The following ASTN2 variants were observed in gnomAD, a reference collection of about 807,000 sequenced individuals.
The protein encoded by ASTN2 is astrotactin-2.
A neutral mutation model predicts 139.8 loss-of-function variants in ASTN2; 54 were observed. The observed-to-expected ratio is 0.39, with a 90% CI of 0.31 to 0.48. The LOEUF (loss-of-function observed/expected upper bound fraction) is 0.48, where lower values mean the gene tolerates loss of function less well. Ranked by LOEUF, ASTN2 falls within the 20% of genes least tolerant of loss-of-function variation. The probability of loss-of-function intolerance (pLI) is 0.95; values close to 1 mark genes in which losing one functional copy is unlikely to be tolerated. For synonymous variants in ASTN2, 756 were observed against 719.5 expected (o/e 1.05, Z -0.81); for missense variants, 1,565 against 1,725.1 (o/e 0.91, Z 1.64).
Position 117,398,393 on chromosome 9 carries a change from A to G in ASTN2, c.442+16104T>C, listed in dbSNP as rs367807181. On this transcript the variant is annotated intron_variant, in intron 1 of 22. Transcript: ENST00000313400. ...AAATGTTTTTTAAATGTCTAAATGC[A>G]TGTTTTGTTCAGATGAAATTGAAGC... 7.4e-4 allele frequency among the ~76,000 whole-genome samples: 113 copies of G among 152,340 alleles called. 1 individual carries two copies. In the South Asian group the frequency reaches 0.022, roughly 30 times the overall value.
chr9:117,318,105 C>A (rs536813933), intron 1 of ASTN2, among the ~76,000 whole-genome samples: 6 of 152,318 alleles, frequency 3.9e-5, no homozygotes, highest in African/African-American at 1.4e-4. Flanking sequence ...GCATCATATT[C>A]ATGAGTGAAG....
chr9:117,402,871 G>A (rs1290941964), intron 1 of ASTN2, among the ~76,000 whole-genome samples: 1 of 152,164 alleles, frequency 6.6e-6, no homozygotes. Context: ...GCTCCTTAGA[G>A]ATGACACCCC....
chr9:116,931,080 T>C (rs1457738708), intron 10 of ASTN2, among the ~76,000 whole-genome samples: 1 of 152,114 alleles, frequency 6.6e-6, no homozygotes, highest in African/African-American at 2.4e-5. Flanking sequence ...CTCTCCAACA[T>C]GCCACGTACA....
intron 20 of ASTN2, among the ~76,000 whole-genome samples, chr9:116,466,560 C>T (rs1049191435): frequency 2.0e-5 from 3 of 152,138 alleles, no homozygotes; most frequent in African/African-American, 7.2e-5. Flanking sequence ...GGTTTTCTAC[C>T]TTCCCACACC....
intron 2 of ASTN2, among the ~76,000 whole-genome samples, chr9:117,244,086 C>T (rs1833294589): frequency 6.6e-6 from 1 of 152,182 alleles, no homozygotes; most frequent in Middle Eastern, 3.4e-3. Context: ...TCTGACAGTT[C>T]CTCCTTCACA....
At chr9:116,615,763 ATACC>A (rs543183672) in intron 19 of ASTN2, among the ~76,000 whole-genome samples, 386 of 151,990 alleles carry the variant, frequency 2.5e-3, no homozygotes, top group African/African-American at 9.1e-3. Context: ...ATTAGGAGAT[ATACC>A]TAATGTAAAT....
intron 1 of ASTN2, among the ~76,000 whole-genome samples, chr9:117,379,509 C>T (rs751802120): frequency 2.4e-4 from 36 of 152,176 alleles, no homozygotes; most frequent in Non-Finnish European, 4.6e-4. Context: ...CTTAATCCTT[C>T]CAGTTAAGCC....
At chr9:116,686,870 T>C (rs1196274631) in intron 16 of ASTN2, 1 of 1,536,364 alleles carries the variant, frequency 6.5e-7, no homozygotes, top group Non-Finnish European at 8.8e-7. Context: ...AGCACTGCCC[T>C]TCCTAGGGAG....
chr9:116,510,271 C>A (rs974468428), intron 19 of ASTN2, among the ~76,000 whole-genome samples: 2 of 152,164 alleles, frequency 1.3e-5, no homozygotes, highest in Non-Finnish European at 2.9e-5. Flanking sequence ...GGAATCCTTT[C>A]CCCATTTCTT....
chr9:117,199,326 G>A (rs186690551), intron 3 of ASTN2, among the ~76,000 whole-genome samples: 51 of 152,250 alleles, frequency 3.3e-4, no homozygotes, highest in African/African-American at 1.1e-3. Context: ...TAAGGAAGGG[G>A]TCCAGTTTCA....
At chr9:117,300,534 T>C (rs141505787) in intron 1 of ASTN2, among the ~76,000 whole-genome samples, 25 of 152,250 alleles carry the variant, frequency 1.6e-4, no homozygotes, top group African/African-American at 5.5e-4. Flanking sequence ...GACCACAAGA[T>C]AGGAGGTACA....
chr9:116,680,349 C>T lies in ASTN2; in HGVS notation c.2807-28556G>A, dbSNP rs530237003. Among the ~76,000 whole-genome samples, 51 of 152,208 alleles carry T rather than the reference C, an allele frequency of 3.4e-4. 1 individual carries two copies. Among genetic ancestry groups the T allele is most frequent in the African/African-American group, 1.1e-3 (45 of 41,534 alleles). Reference sequence around the variant, plus strand: ...GAAGAAGTTGAATCTCTGAATAGACCAATAACAGGATCTGAAATTGTGGCA... The same window carrying T: ...GAAGAAGTTGAATCTCTGAATAGACTAATAACAGGATCTGAAATTGTGGCA... On this transcript the variant is annotated intron_variant, in intron 16 of 22. Coordinates refer to ENST00000313400, the MANE Select transcript of ASTN2 (RefSeq NM_001365068.1).
At chr9:117,188,194 CAG>C (rs1235976830) in intron 3 of ASTN2, among the ~76,000 whole-genome samples, 5 of 31,792 alleles carry the variant, frequency 1.6e-4, no homozygotes, top group Admixed American at 3.3e-4. Flanking sequence ...GAGAGAGAGA[CAG>C]AGAGAGAGAG....
chr9:116,869,199 G>T lies in ASTN2; in HGVS notation c.1890-5466C>A, dbSNP rs577191808. Among the ~76,000 whole-genome samples, 209 of 150,274 alleles carry T rather than the reference G, an allele frequency of 1.4e-3. 1 individual carries two copies. Among genetic ancestry groups the T allele is most frequent in the African/African-American group, 5.0e-3 (205 of 40,958 alleles). ...GACTCCTGTCTCAAAAAGAAAGAAA[G>T]AAAAAAAAATGACAGCATTAGTTGG... On this transcript the variant is annotated intron_variant, in intron 10 of 22. Coordinates refer to ENST00000313400, the MANE Select transcript of ASTN2 (RefSeq NM_001365068.1).
At chr9:116,790,481 C>T (rs575766683) in intron 13 of ASTN2, among the ~76,000 whole-genome samples, 8 of 152,166 alleles carry the variant, frequency 5.3e-5, no homozygotes, top group African/African-American at 7.2e-5. Context: ...TTGACTTTCA[C>T]GTCTGCAGAC....
intron 5 of ASTN2, among the ~76,000 whole-genome samples, chr9:117,070,102 T>C (rs200346076): frequency 0.3 from 41,954 of 140,414 alleles, 7,591 homozygotes; most frequent in Middle Eastern, 0.43. Context: ...TTCTTCCTAG[T>C]CTCGATGGTC....
chr9:117,114,942 C>A (rs1192379960), intron 4 of ASTN2, among the ~76,000 whole-genome samples: 1 of 152,088 alleles, frequency 6.6e-6, no homozygotes, highest in Non-Finnish European at 1.5e-5. Context: ...TGTGAGGGGG[C>A]CATTTTTGAT....
chr9:117,140,716 G>T (rs1016902509), intron 4 of ASTN2, among the ~76,000 whole-genome samples: 17 of 152,070 alleles, frequency 1.1e-4, no homozygotes, highest in Non-Finnish European at 2.2e-4. Context: ...CAGAGGAAAA[G>T]GAGCAGGAAG....
intron 10 of ASTN2, among the ~76,000 whole-genome samples, chr9:116,882,046 A>C (rs1417633230): frequency 2.6e-5 from 4 of 152,174 alleles, no homozygotes; most frequent in Non-Finnish European, 5.9e-5. Flanking sequence ...TTGGAACAAT[A>C]AAAGAATTAT....
Sources: allele counts gnomAD v4.1 joint callset (sites outside exome capture counted in the v4.1 genomes callset), GRCh38; gene constraint gnomAD v4.1.1; transcripts MANE v1.5; gene names NCBI Gene and HGNC (gene_info 2026-07-23, HGNC 2026-07-21).